PCDH15: variants seen among roughly 807,000 people sequenced by gnomAD.
The protein encoded by PCDH15 is protocadherin related 15.
In PCDH15, 129 loss-of-function variants were observed where a neutral mutation model predicts 178.5. That is an observed-to-expected ratio of 0.72 (90% CI 0.63 to 0.84). The LOEUF is 0.84. Among genes scored for constraint, PCDH15 ranks in the 40% least tolerant of loss-of-function variants. PCDH15 has a pLI of 0.00. For missense variants in PCDH15, 2,230 were observed against 2,099.9 expected, an observed-to-expected ratio of 1.06 and a Z score of -1.21; for synonymous variants, 800 against 732.0, an observed-to-expected ratio of 1.09 and a Z score of -1.50.
intron 8 of PCDH15, among the ~76,000 whole-genome samples, chr10:54,274,559 G>A (rs1332462317): frequency 2.0e-5 from 3 of 151,544 alleles, no homozygotes; most frequent in Admixed American, 6.6e-5. Flanking sequence ...AACACTATGC[G>A]ATGAAAATTT....
At chr10:55,431,314 T>C (rs1369055869) in intron 2 of PCDH15, among the ~76,000 whole-genome samples, 1 of 152,184 alleles carries the variant, frequency 6.6e-6, no homozygotes, top group Non-Finnish European at 1.5e-5. Flanking sequence ...TGTTTTAATG[T>C]ATGGAATTGC....
At chr10:54,044,666 C>G (rs2093622504) in intron 18 of PCDH15, among the ~76,000 whole-genome samples, 1 of 152,068 alleles carries the variant, frequency 6.6e-6, no homozygotes, top group Admixed American at 6.6e-5. Context: ...AAATAAGCTG[C>G]TACGAAGTGC....
intron 2 of PCDH15, among the ~76,000 whole-genome samples, chr10:55,510,148 C>A (rs1052381607): frequency 6.6e-6 from 1 of 151,854 alleles, no homozygotes; most frequent in Non-Finnish European, 1.5e-5. Flanking sequence ...TATATTAACT[C>A]TAAAAAATGT....
At chr10:54,285,644 A>G (rs977214491) in intron 8 of PCDH15, among the ~76,000 whole-genome samples, 2 of 152,160 alleles carry the variant, frequency 1.3e-5, no homozygotes, top group African/African-American at 2.4e-5. Flanking sequence ...TACAGTGTTT[A>G]TGAAAAACAA....
In PCDH15 at chr10:55,533,901, C is replaced by T. The variant is rs546359806; in HGVS notation, c.-156+93724G>A. Among the ~76,000 whole-genome samples, 99 of 151,928 alleles carry T rather than the reference C, an allele frequency of 6.5e-4. 3 individuals carry two copies. The South Asian group carries it at 0.018, about 27-fold the overall frequency. ...AAACAGATACATAGACCAGTGGAAC[C>T]GAATAGAAAACTCAGAAATAAAGCC... On this transcript the variant is annotated intron_variant, in intron 2 of 5. Transcript: ENST00000613346.
chr10:53,805,499 CT>C lies in PCDH15; in HGVS notation c.*1079del, dbSNP rs2132346471. 1 of 152,152 alleles carries C rather than the reference CT, an allele frequency of 6.6e-6. No homozygotes were observed. The highest frequency in any genetic ancestry group is 2.4e-5 in the African/African-American group (1 of 41,524). The allele number at this position is 152,152 out of a possible 1,614,324, so 9.4% of individuals were successfully genotyped here. A position where few individuals can be genotyped will look rare whatever the true frequency, so the allele number is the denominator to read the frequency against. Reference sequence around the variant, plus strand: ...TAAAAAATGCCCAGGCAATGATTTCCTGGTTCTGGATTTTAGGCACATAAAT... The same window carrying C: ...TAAAAAATGCCCAGGCAATGATTTCCGGTTCTGGATTTTAGGCACATAAAT... On this transcript the variant is annotated 3_prime_UTR_variant, in exon 38 of 38. Transcript: ENST00000644397.
chr10:55,541,305 T>A (rs961625288), intron 2 of PCDH15, among the ~76,000 whole-genome samples: 1 of 152,034 alleles, frequency 6.6e-6, no homozygotes, highest in African/African-American at 2.4e-5. Context: ...GCCAACTATA[T>A]CCCTAAGGAT....
At chr10:54,271,495 G>A (rs551642841) in intron 8 of PCDH15, among the ~76,000 whole-genome samples, 1 of 152,116 alleles carries the variant, frequency 6.6e-6, no homozygotes, top group Non-Finnish European at 1.5e-5. Flanking sequence ...TTACAGGCGT[G>A]AGCCACTGTG....
At chr10:54,467,601 G>GTTTT (rs67776985) in intron 3 of PCDH15, among the ~76,000 whole-genome samples, 5 of 45,696 alleles carry the variant, frequency 1.1e-4, no homozygotes, top group Admixed American at 3.2e-4. Flanking sequence ...TCAAGCTGTA[G>GTTTT]TTTTTTTTTT....
At chr10:55,185,920 T>C (rs914753967) in intron 1 of PCDH15, among the ~76,000 whole-genome samples, 1 of 151,806 alleles carries the variant, frequency 6.6e-6, no homozygotes, top group Non-Finnish European at 1.5e-5. Context: ...AATACAAAAA[T>C]AGAAATAGTT....
At chr10:55,225,934 T>A (rs1393198397) in intron 1 of PCDH15, among the ~76,000 whole-genome samples, 1 of 152,060 alleles carries the variant, frequency 6.6e-6, no homozygotes, top group East Asian at 1.9e-4. Flanking sequence ...ACTCTATTTA[T>A]TGATTGAAAG....
intron 2 of PCDH15, among the ~76,000 whole-genome samples, chr10:55,021,996 A>G (rs991763808): frequency 2.3e-4 from 35 of 152,116 alleles, no homozygotes; most frequent in Admixed American, 2.2e-3. Flanking sequence ...GTCTCATAAA[A>G]GTAGAGAGTA....
intron 2 of PCDH15, among the ~76,000 whole-genome samples, chr10:54,604,358 T>C (rs922281614): frequency 1.3e-5 from 2 of 151,974 alleles, no homozygotes; most frequent in South Asian, 2.1e-4. Flanking sequence ...TTCTGTCCAT[T>C]ATTAAAAGTG....
chr10:54,496,550 C>G (rs940852737), intron 3 of PCDH15, among the ~76,000 whole-genome samples: 3 of 152,134 alleles, frequency 2.0e-5, no homozygotes, highest in Non-Finnish European at 4.4e-5. Flanking sequence ...TTCAACTATA[C>G]AAAACAAACC....
intron 13 of PCDH15, among the ~76,000 whole-genome samples, chr10:54,154,749 T>C (rs559457010): frequency 6.6e-6 from 1 of 152,254 alleles, no homozygotes; most frequent in East Asian, 1.9e-4. Context: ...AAAAAGGAAA[T>C]GACATTAATG....
At chr10:54,867,532 C>A (rs1213138109) in intron 3 of PCDH15, among the ~76,000 whole-genome samples, 1 of 152,002 alleles carries the variant, frequency 6.6e-6, no homozygotes, top group Non-Finnish European at 1.5e-5. Flanking sequence ...TGACATTGCA[C>A]ATATATACAT....
At chr10:55,215,499 C>T (rs922985028) in intron 1 of PCDH15, among the ~76,000 whole-genome samples, 5 of 151,978 alleles carry the variant, frequency 3.3e-5, no homozygotes, top group African/African-American at 4.8e-5. Context: ...TACTTCCCTC[C>T]TTGTTAATTT....
At chr10:53,822,576 GTCTC>G (rs1564535315) in intron 32 of PCDH15, 3 of 1,613,930 alleles carry the variant, frequency 1.9e-6, no homozygotes, top group Non-Finnish European at 2.5e-6. Flanking sequence ...ACAAATAGGT[GTCTC>G]TCTCCTAGAG....
intron 3 of PCDH15, among the ~76,000 whole-genome samples, chr10:54,451,021 G>A (rs1044051149): frequency 6.6e-6 from 1 of 151,774 alleles, no homozygotes. Context: ...ACTCAAAAAT[G>A]TAGTATTCTT....
Sources: allele counts gnomAD v4.1 joint callset (sites outside exome capture counted in the v4.1 genomes callset), GRCh38; gene constraint gnomAD v4.1.1; transcripts MANE v1.5; gene names NCBI Gene and HGNC (gene_info 2026-07-23, HGNC 2026-07-21).